DIP2A: variants seen among roughly 807,000 people sequenced by gnomAD.
DIP2A encodes disco-interacting protein 2 homolog A.
Under a neutral mutation model 177.4 loss-of-function variants are expected in DIP2A, and 85 were observed. The ratio of observed to expected loss-of-function variants is 0.48; its 90% CI spans 0.40 to 0.57. DIP2A has a LOEUF of 0.57. Ranked by LOEUF, DIP2A falls within the 20% of genes least tolerant of loss-of-function variation. The pLI, the probability that DIP2A is intolerant of heterozygous loss-of-function variation, is 0.00. For missense variants in DIP2A, 1,791 were observed against 2,100.2 expected (o/e 0.85, Z 2.88); for synonymous variants, 886 against 881.8 (o/e 1.00, Z -0.08).
At chr21:46,558,520 C>T (rs1053126827) in intron 32 of DIP2A, 127 bp downstream of exon 32, 6 of 904,862 alleles carry the variant, frequency 6.6e-6, no homozygotes, top group Non-Finnish European at 1.0e-5. Context: ...CCTTTGATAT[C>T]TCATTTCCAT....
rs1441086616 is a variant in DIP2A at position 46,550,687 on chromosome 21, C to T, written c.2782C>T (p.Leu928=). Residue 928 remains leucine (L), a synonymous_variant, in exon 23 of 38, where the codon CTG becomes TTG. Transcript: ENST00000417564. ...AGGGACGCTGCACCCGTGTAATGTGCTGATGTGCCCTCACACCTGTGTTAC... is the reference window on the plus strand; with the variant it reads ...AGGGACGCTGCACCCGTGTAATGTGTTGATGTGCCCTCACACCTGTGTTAC... ...LEGTLHPCNV[L]MCPHTCVTNL... The T allele has an allele frequency of 1.2e-6, 2 of 1,613,914 alleles. No homozygotes were observed. The highest frequency in any genetic ancestry group is 1.1e-5 in the South Asian group (1 of 91,090).
intron 1 of DIP2A, among the ~76,000 whole-genome samples, chr21:46,465,984 T>C (rs1278294639): frequency 6.6e-6 from 1 of 152,112 alleles, no homozygotes; most frequent in Non-Finnish European, 1.5e-5. Flanking sequence ...GGAAAATAAA[T>C]GAGAGGAAAT....
At chr21:46,471,870 G>T (rs1046942454) in intron 1 of DIP2A, among the ~76,000 whole-genome samples, 2 of 152,186 alleles carry the variant, frequency 1.3e-5, no homozygotes, top group African/African-American at 4.8e-5. Context: ...TAGAAATCCT[G>T]TGTCTTCTTT....
Position 46,557,892 on chromosome 21 carries a change from C to T in DIP2A, c.3798+139C>T. The T allele has an allele frequency of 1.8e-6, 2 of 1,091,254 alleles. No individual in the cohort carries two copies. Among genetic ancestry groups the T allele is most frequent in the Admixed American group, 5.2e-5 (2 of 38,258 alleles). 67.6% of individuals were successfully genotyped at this position (1,091,254 alleles called of 1,614,324 possible). ...AGAGAAAACCCTTTCCCACTAGGGG[C>T]CCTATGTACACATCTGTCCTCCCAC... On this transcript the variant is annotated intron_variant, in intron 31 of 37. Transcript: ENST00000417564. The surrounding 1 kb of genome is among the most constrained non-coding windows in gnomAD (Gnocchi z 6.0).
At chr21:46,485,711 C>T (rs543406798) in intron 2 of DIP2A, among the ~76,000 whole-genome samples, 3 of 151,340 alleles carry the variant, frequency 2.0e-5, no homozygotes, top group Non-Finnish European at 2.9e-5. Flanking sequence ...TTTTTTCAAA[C>T]GTCATCATAA....
rs1358309723 is a variant in DIP2A, at chr21:46,545,328, G to A, written c.2313+55G>A. 3.9e-6 allele frequency: 6 copies of A among 1,557,490 alleles called. No individual in the cohort carries two copies. In the African/African-American group the frequency reaches 8.1e-5, roughly 21 times the overall value. ...AAGTTAAGTTGCATGAGCACTCATG[G>A]GGTCCCAGGTGTGCTGGGTGCTGGG... On this transcript the variant is annotated intron_variant, in intron 19 of 37. Transcript: ENST00000417564.
Position 46,551,861 on chromosome 21 carries a change from A to C in DIP2A, c.2987A>C (p.His996Pro), listed in dbSNP as rs766432186. Reference sequence around the variant, plus strand: ...GCTGACGTGCTGCAGTGGCGTGCCCACACCACTCCTGACCACCCGCTGTTC... The same window carrying C: ...GCTGACGTGCTGCAGTGGCGTGCCCCCACCACTCCTGACCACCCGCTGTTC... ...FLADVLQWRA[H>P]TTPDHPLFLL... The change falls in exon 25 of 38, where the codon CAC becomes CCC. Residue 996 changes from histidine to proline, a missense_variant. Transcript: ENST00000417564. The C allele has an allele frequency of 6.2e-7, 1 of 1,611,664 alleles. No individual in the cohort carries two copies. Among genetic ancestry groups the C allele is most frequent in the Non-Finnish European group, 8.5e-7 (1 of 1,179,000 alleles).
At chr21:46,462,726 C>T (rs2054428493) in intron 1 of DIP2A, 1 of 152,178 alleles carries the variant, frequency 6.6e-6, no homozygotes, top group Admixed American at 6.5e-5. Context: ...GAAGAAGAAG[C>T]TTAACAGTGA....
intron 15 of DIP2A, 118 bp from the exon 16 acceptor site, chr21:46,538,365 G>A (rs1474375640): frequency 2.9e-6 from 4 of 1,392,446 alleles, no homozygotes; most frequent in Non-Finnish European, 2.9e-6. Flanking sequence ...TGGGAGCTAA[G>A]TGTTGTGTCT....
rs2058222062 is a variant in DIP2A at position 46,509,910 on chromosome 21, G to A, written c.904+534G>A. Among the ~76,000 whole-genome samples, 4 of 152,200 alleles carry A rather than the reference G, an allele frequency of 2.6e-5. No homozygotes were observed. The South Asian group carries it at 8.3e-4, about 31-fold the overall frequency. ...CTCGCAGACCTTGGCTGTTTGTACA[G>A]TGACACTGCTGACAGCCGACCAGCC... On this transcript the variant is annotated intron_variant, in intron 7 of 37. Coordinates refer to ENST00000417564, the MANE Select transcript of DIP2A (RefSeq NM_015151.4).
At chr21:46,575,365 A>G in the DIP2A span, among the ~76,000 whole-genome samples, 1 of 152,212 alleles carries the variant, frequency 6.6e-6, no homozygotes, top group Non-Finnish European at 1.5e-5. Flanking sequence ...ATAAGATCAG[A>G]AACACAGCAA....
At chr21:46,551,796 C>T (rs1210904630) in intron 24 of DIP2A, 28 bp from the exon 25 acceptor site, 1 of 1,612,974 alleles carries the variant, frequency 6.2e-7, no homozygotes, top group South Asian at 1.1e-5. Flanking sequence ...CCCGGAGGCG[C>T]CAGTGAGCAA....
At chr21:46,510,381 C>T (rs897148481) in intron 7 of DIP2A, among the ~76,000 whole-genome samples, 2 of 152,144 alleles carry the variant, frequency 1.3e-5, no homozygotes, top group Non-Finnish European at 2.9e-5. Context: ...CCTTTGGCAA[C>T]ACCCTCACAG....
intron 3 of DIP2A, among the ~76,000 whole-genome samples, chr21:46,495,418 A>G (rs1192627733): frequency 2.6e-5 from 4 of 151,474 alleles, no homozygotes; most frequent in Non-Finnish European, 5.9e-5. Flanking sequence ...ACAGGCATGC[A>G]CCACCATGCC....
Position 46,498,576 on chromosome 21 carries a change from C to G in DIP2A, c.404-6C>G, listed in dbSNP as rs1417359772. The G allele has an allele frequency of 1.9e-6, 3 of 1,600,906 alleles. No individual in the cohort carries two copies. The highest frequency in any genetic ancestry group is 2.6e-6 in the Non-Finnish European group (3 of 1,171,726). On this transcript the variant is annotated splice_polypyrimidine_tract_variant and splice_region_variant and intron_variant, in intron 4 of 37. Transcript: ENST00000417564. This position sits in a 1 kb window ranked among gnomAD's most constrained non-coding sequence, Gnocchi z 4.3. ...ATCATGCCTGTCATCGTTATTTTAA[C>G]CACAGACACGTCGTCTGCCTCAGAA...
intron 20 of DIP2A, among the ~76,000 whole-genome samples, chr21:46,546,576 A>T (rs1383387746): frequency 1.3e-5 from 2 of 151,554 alleles, no homozygotes; most frequent in East Asian, 3.9e-4. Context: ...TCCTTCACAA[A>T]CTCCACCCAC....
rs2057492133 is a variant in DIP2A at position 46,498,702 on chromosome 21, C to G, written c.524C>G (p.Ser175Cys). Residue 175 changes from serine (S) to cysteine (C), a missense_variant, in exon 5 of 38, where the codon TCC becomes TGC. Transcript: ENST00000417564. The surrounding 1 kb of genome is among the most constrained non-coding windows in gnomAD (Gnocchi z 4.3). Reference protein sequence around the residue: ...PWLDRVIQGSSTSSSASSTSS... With the variant: ...PWLDRVIQGSCTSSSASSTSS... The stretch of plus-strand genomic sequence containing the variant: ...CTCGACCGGGTCATTCAGGGCTCGT[C>G]CACCTCATCCTCTGCATCCTCCACC... 3.1e-6 allele frequency: 5 copies of G among 1,613,808 alleles called. No individual in the cohort carries two copies. The highest frequency in any genetic ancestry group is 4.2e-6 in the Non-Finnish European group (5 of 1,179,884).
downstream of DIP2A, among the ~76,000 whole-genome samples, chr21:46,573,645 C>CAAAAAAAA (rs201994694): frequency 1.3e-3 from 67 of 52,952 alleles, 5 homozygotes; most frequent in Non-Finnish European, 1.6e-3. Context: ...CCCTCTCTCA[C>CAAAAAAAA]AAAAAAAAAA....
intron 1 of DIP2A, among the ~76,000 whole-genome samples, chr21:46,465,696 A>G (rs1444036922): frequency 1.3e-5 from 2 of 152,200 alleles, no homozygotes; most frequent in African/African-American, 4.8e-5. Context: ...AGTTTTAAAA[A>G]AACAAAAAGG....
Sources: gnomAD v4.1 joint callset for allele counts (sites outside exome capture counted in the v4.1 genomes callset) on GRCh38, gnomAD v4.1.1 for gene constraint, Gnocchi (gnomAD v3.1) non-coding constraint, MANE v1.5 for transcripts, NCBI Gene and HGNC (gene_info 2026-07-23, HGNC 2026-07-21) for gene names.